Variants in RGS6 observed in about 807,000 individuals in gnomAD.
The protein encoded by RGS6 is regulator of G-protein signaling 6.
Under a neutral mutation model 78.5 loss-of-function variants are expected in RGS6, and 30 were observed. The observed-to-expected ratio is 0.38, with a 90% confidence interval of 0.29 to 0.52. The LOEUF is 0.52. Ranked by LOEUF, RGS6 falls within the 20% of genes least tolerant of loss-of-function variation. The pLI is 0.85. For missense variants in RGS6, 495 were observed against 609.7 expected (o/e 0.81, Z 1.98); for synonymous variants, 206 against 206.0 (o/e 1.00, Z 0.00).
chr14:72,422,369 A>G (rs2094231622), intron 3 of RGS6, among the ~76,000 whole-genome samples: 1 of 152,216 alleles, frequency 6.6e-6, no homozygotes, highest in South Asian at 2.1e-4. Flanking sequence ...AACATATATA[A>G]TAATATAAAG....
chr14:72,079,502 C>T (rs1423658683), intron 2 of RGS6, among the ~76,000 whole-genome samples: 1 of 152,116 alleles, frequency 6.6e-6, no homozygotes, highest in Non-Finnish European at 1.5e-5. Flanking sequence ...AGCTAATTAA[C>T]ACATGCCTCA....
intron 15 of RGS6, among the ~76,000 whole-genome samples, chr14:72,523,707 T>G (rs1007313486): frequency 6.6e-6 from 1 of 152,196 alleles, no homozygotes; most frequent in Non-Finnish European, 1.5e-5. Context: ...TTTTGAAAAT[T>G]TTGGGCCAAG....
At chr14:72,452,024 A>G (rs1375093902) in intron 3 of RGS6, among the ~76,000 whole-genome samples, 2 of 152,204 alleles carry the variant, frequency 1.3e-5, no homozygotes, top group African/African-American at 4.8e-5. Flanking sequence ...TGTTGGGATT[A>G]TAGGCATGAG....
chr14:72,574,782 G>A, the RGS6 span, among the ~76,000 whole-genome samples: 3 of 152,210 alleles, frequency 2.0e-5, no homozygotes, highest in African/African-American at 7.2e-5. Flanking sequence ...CCTGCTGAGG[G>A]TGCAGTGGGT....
the RGS6 span, among the ~76,000 whole-genome samples, chr14:72,614,882 C>A: frequency 6.6e-6 from 1 of 152,038 alleles, no homozygotes; most frequent in Non-Finnish European, 1.5e-5. Context: ...TGCCTTTTTC[C>A]ACCAGAGATC....
intron 2 of RGS6, among the ~76,000 whole-genome samples, chr14:72,330,514 C>T (rs1348868718): frequency 6.6e-6 from 1 of 152,190 alleles, no homozygotes; most frequent in East Asian, 1.9e-4. Context: ...TGAATACCCA[C>T]CTTCCTTGTG....
At chr14:72,498,200 A>G (rs1309556025) in intron 13 of RGS6, among the ~76,000 whole-genome samples, 2 of 152,100 alleles carry the variant, frequency 1.3e-5, no homozygotes, top group Non-Finnish European at 2.9e-5. Context: ...GGTGTTTATC[A>G]TGTTACTCCC....
At chr14:72,583,808 A>C in the RGS6 span, among the ~76,000 whole-genome samples, 6 of 151,818 alleles carry the variant, frequency 4.0e-5, no homozygotes. Flanking sequence ...TTTGGATCTG[A>C]CTCCTGGAAA....
chr14:71,918,988 C>CTTT, the RGS6 span, among the ~76,000 whole-genome samples: 1 of 149,512 alleles, frequency 6.7e-6, no homozygotes, highest in Non-Finnish European at 1.5e-5. Flanking sequence ...AAAATTTTTC[C>CTTT]TTTTTTTTTT....
the RGS6 span, among the ~76,000 whole-genome samples, chr14:71,884,099 C>A: frequency 2.0e-5 from 3 of 152,176 alleles, no homozygotes; most frequent in African/African-American, 7.2e-5. Context: ...GATCCGAGAA[C>A]CCTCTCTTAG....
At chr14:72,335,578 G>C (rs1808316633) in intron 2 of RGS6, among the ~76,000 whole-genome samples, 1 of 152,098 alleles carries the variant, frequency 6.6e-6, no homozygotes, top group South Asian at 2.1e-4. Flanking sequence ...GTCTTTGCTT[G>C]GAGCTGTGTT....
chr14:71,923,417 A>G, the RGS6 span, among the ~76,000 whole-genome samples: 28 of 152,194 alleles, frequency 1.8e-4, no homozygotes, highest in Non-Finnish European at 3.2e-4. Flanking sequence ...GAAGCCTGGC[A>G]TGGATTAAAA....
chr14:72,602,378 T>C, the RGS6 span, among the ~76,000 whole-genome samples: 1 of 152,232 alleles, frequency 6.6e-6, no homozygotes, highest in Non-Finnish European at 1.5e-5. Context: ...CACATGTGAC[T>C]GTGTTTAATC....
intron 2 of RGS6, among the ~76,000 whole-genome samples, chr14:72,301,059 C>T (rs2065946331): frequency 6.6e-6 from 1 of 152,096 alleles, no homozygotes; most frequent in African/African-American, 2.4e-5. Context: ...TGGAACATAG[C>T]ATTATAGTCA....
intron 2 of RGS6, among the ~76,000 whole-genome samples, chr14:72,089,477 C>T (rs1022588179): frequency 4.6e-4 from 70 of 152,152 alleles, no homozygotes; most frequent in Admixed American, 2.6e-4. Context: ...TCCTGATGAT[C>T]AAAACTGGAT....
At chr14:72,288,663 G>T (rs1173957397) in intron 2 of RGS6, among the ~76,000 whole-genome samples, 1 of 152,200 alleles carries the variant, frequency 6.6e-6, no homozygotes, top group Non-Finnish European at 1.5e-5. Flanking sequence ...AACATTGAGG[G>T]CCAATGAGAT....
chr14:72,380,476 A>G (rs967478753), intron 3 of RGS6, among the ~76,000 whole-genome samples: 2 of 151,992 alleles, frequency 1.3e-5, no homozygotes, highest in Non-Finnish European at 2.9e-5. Flanking sequence ...AGCAAAAAAA[A>G]AAAACCGAAC....
intron 3 of RGS6, among the ~76,000 whole-genome samples, chr14:72,404,258 T>C (rs1434261665): frequency 6.6e-6 from 1 of 152,226 alleles, no homozygotes; most frequent in Non-Finnish European, 1.5e-5. Flanking sequence ...TCTGTGGATC[T>C]TACAAGCTCC....
chr14:72,357,245 CTG>C (rs1566615544), intron 3 of RGS6, among the ~76,000 whole-genome samples: 2 of 150,372 alleles, frequency 1.3e-5, no homozygotes, highest in Non-Finnish European at 2.9e-5. Context: ...GCATTCCAGT[CTG>C]TGAGACCCTG....
Sources: allele counts gnomAD v4.1 joint callset (sites outside exome capture counted in the v4.1 genomes callset), GRCh38; gene constraint gnomAD v4.1.1; transcripts MANE v1.5; gene names NCBI Gene and HGNC (gene_info 2026-07-23, HGNC 2026-07-21).